The following LGR6 variants were observed in gnomAD, a reference collection of about 807,000 sequenced individuals.
The protein encoded by LGR6 is leucine rich repeat containing G protein-coupled receptor 6.
A neutral mutation model predicts 69.4 loss-of-function variants in LGR6; 45 were observed. That is an observed-to-expected ratio of 0.65 (90% confidence interval 0.51 to 0.83). The LOEUF is 0.83. Ranked by LOEUF, LGR6 falls within the 40% of genes least tolerant of loss-of-function variation. The pLI is 0.00. For missense variants in LGR6, 1,108 were observed against 1,246.7 expected (o/e 0.89, Z 1.68); for synonymous variants, 538 against 555.0 (o/e 0.97, Z 0.43).
At chr1:202,212,544 A>G (rs981046259) in intron 1 of LGR6, among the ~76,000 whole-genome samples, 9 of 152,184 alleles carry the variant, frequency 5.9e-5, no homozygotes, top group African/African-American at 2.2e-4. Context: ...GGGAGAACCC[A>G]CTGCGTGCCT....
Position 202,251,402 on chromosome 1 carries a change from C to T in LGR6, c.428+15409C>T, listed in dbSNP as rs574596612. On this transcript the variant is annotated intron_variant, in intron 4 of 17. Coordinates refer to ENST00000367278, the MANE Select transcript of LGR6 (RefSeq NM_001017403.2). Reference sequence around the variant, plus strand: ...GAGGATGATCTATGTCCCTGCAGCCCCTGAGCCTTCATAGGGAATGGAGAG... The same window carrying T: ...GAGGATGATCTATGTCCCTGCAGCCTCTGAGCCTTCATAGGGAATGGAGAG... 1.6e-4 allele frequency among the ~76,000 whole-genome samples: 24 copies of T among 152,330 alleles called. 1 individual carries two copies. The South Asian group carries it at 4.8e-3, about 30-fold the overall frequency.
intron 2 of LGR6, 122 bp downstream of exon 2, chr1:202,225,616 C>G: frequency 1.3e-6 from 1 of 778,708 alleles, no homozygotes; most frequent in South Asian, 1.7e-5. Context: ...TAAGACAGTT[C>G]TTGACAGCAG....
chr1:202,285,348 G>A (rs1020901671), intron 6 of LGR6, among the ~76,000 whole-genome samples: 10 of 152,302 alleles, frequency 6.6e-5, no homozygotes, highest in Non-Finnish European at 1.3e-4. Context: ...GACTTCCATC[G>A]AGGTCCTCCC....
chr1:202,228,389 G>GTGGCTTTTCTT (rs1288509278), intron 3 of LGR6, among the ~76,000 whole-genome samples: 38 of 152,118 alleles, frequency 2.5e-4, no homozygotes, highest in African/African-American at 8.9e-4. Context: ...GGAAATACAG[G>GTGGCTTTTCTT]TGGCTTTTCT....
Position 202,200,301 on chromosome 1 carries a change from C to A in LGR6, c.212+6100C>A, listed in dbSNP as rs150343761. Among the ~76,000 whole-genome samples the A allele has an allele frequency of 4.5e-4, 68 of 152,338 alleles. No individual in the cohort carries two copies. The East Asian group carries it at 0.013, about 29-fold the overall frequency. On this transcript the variant is annotated intron_variant, in intron 1 of 17. Coordinates refer to ENST00000367278, the MANE Select transcript of LGR6 (RefSeq NM_001017403.2). ...GAGAGTACAGCTTCTCCCCAGAAAT[C>A]AGAGTTCCTTGAAATTAGAGTTTCT...
chr1:202,228,281 C>T (rs1057058691), intron 3 of LGR6, among the ~76,000 whole-genome samples: 2 of 152,208 alleles, frequency 1.3e-5, no homozygotes, highest in African/African-American at 2.4e-5. Context: ...TAATGACCAT[C>T]GACATAGGTC....
intron 1 of LGR6, 140 bp downstream of exon 1, chr1:202,194,341 C>T (rs1439917698): frequency 1.5e-5 from 9 of 598,380 alleles, no homozygotes; most frequent in Admixed American, 1.0e-4. Flanking sequence ...CCAAGTTGAC[C>T]GTTGCGGGAC....
At chr1:202,301,021 A>G in intron 8 of LGR6, 101 bp downstream of exon 8, 1 of 1,305,920 alleles carries the variant, frequency 7.7e-7, no homozygotes. Flanking sequence ...AGCACCAGGG[A>G]GGCAGAAGTA....
intron 1 of LGR6, among the ~76,000 whole-genome samples, chr1:202,216,226 G>A (rs903773765): frequency 2.0e-5 from 3 of 152,240 alleles, no homozygotes; most frequent in African/African-American, 7.2e-5. Context: ...GGTTGAGTTG[G>A]GTGGTGATGC....
intron 1 of LGR6, chr1:202,196,990 A>C (rs745996718): frequency 1.9e-6 from 1 of 528,798 alleles, no homozygotes; most frequent in Non-Finnish European, 3.9e-6. Flanking sequence ...CACAGAGTTA[A>C]AATGAAAAAT....
intron 1 of LGR6, chr1:202,197,327 A>T: frequency 2.0e-6 from 1 of 506,986 alleles, no homozygotes; most frequent in South Asian, 1.5e-5. Context: ...ATGTCCAAAA[A>T]CTATTACCAC....
Position 202,290,601 on chromosome 1 carries a change from G to T in LGR6, c.717-6907G>T, listed in dbSNP as rs78390859. Among the ~76,000 whole-genome samples, 1,162 of 152,342 alleles carry T rather than the reference G, an allele frequency of 7.6e-3. 12 individuals are homozygous for T. Among genetic ancestry groups the T allele is most frequent in the African/African-American group, 0.027 (1,114 of 41,574 alleles). ...AATAAAAAAAAGGGGGGCCAGGCGC[G>T]GTGGCTCACGCCTGTAATCCCAGCA... is the stretch of plus-strand genomic sequence containing the variant. On this transcript the variant is annotated intron_variant, in intron 6 of 17. Coordinates refer to ENST00000367278, the MANE Select transcript of LGR6 (RefSeq NM_001017403.2).
At chr1:202,275,202 C>T (rs1408198571) in intron 4 of LGR6, among the ~76,000 whole-genome samples, 2 of 152,152 alleles carry the variant, frequency 1.3e-5, no homozygotes, top group African/African-American at 2.4e-5. Context: ...GCTTAAATGC[C>T]ATATGGCTAT....
chr1:202,228,282 G>A (rs746321867), intron 3 of LGR6, among the ~76,000 whole-genome samples: 3 of 152,166 alleles, frequency 2.0e-5, no homozygotes, highest in South Asian at 2.1e-4. Flanking sequence ...AATGACCATC[G>A]ACATAGGTCT....
rs61821574 is a variant in LGR6, at chr1:202,209,143, C to T, written c.212+14942C>T. Among the ~76,000 whole-genome samples, 1,164 of 152,240 alleles carry T rather than the reference C, an allele frequency of 7.6e-3. 13 individuals are homozygous for T. The highest frequency in any genetic ancestry group is 0.014 in the Non-Finnish European group (932 of 68,004). ...TTCCTATCATAGTGTCCCCAAGTTT[C>T]CCTCCTATTTTGGCCAGAGGGGAGA... On this transcript the variant is annotated intron_variant, in intron 1 of 17. Coordinates refer to ENST00000367278, the MANE Select transcript of LGR6 (RefSeq NM_001017403.2).
chr1:202,294,093 C>A (rs547251151), intron 6 of LGR6, among the ~76,000 whole-genome samples: 1 of 152,152 alleles, frequency 6.6e-6, no homozygotes, highest in South Asian at 2.1e-4. Context: ...AGGACGTTCC[C>A]CCAAATACTG....
chr1:202,318,460 C>T lies in LGR6; in HGVS notation c.2157C>T (p.Pro719=). 6.2e-7 allele frequency: 1 copy of T among 1,613,292 alleles called. No individual in the cohort carries two copies. Among genetic ancestry groups the T allele is most frequent in the Non-Finnish European group, 8.5e-7 (1 of 1,179,822 alleles). Residue 719 remains proline, a synonymous_variant, in exon 18 of 18, where the codon CCC becomes CCT. Coordinates refer to ENST00000367278, the MANE Select transcript of LGR6 (RefSeq NM_001017403.2). ...ACGGGGCCTCCCCACTCTGCCTGCC[C>T]TACGCGCCACCTGAGGGTCAGCCAG... ...GEYGASPLCL[P]YAPPEGQPAA...
In LGR6 at chr1:202,305,747, A is replaced by T; in HGVS notation, c.1134A>T (p.Glu378Asp). 6.2e-7 allele frequency: 1 copy of T among 1,614,044 alleles called. No homozygotes were observed. The highest frequency in any genetic ancestry group is 1.1e-5 in the South Asian group (1 of 91,076). ...PSLHRCQKLE[E>D]IGLQHNRIWE... ...TGCACAGGTGTCAGAAATTGGAGGA[A>T]ATGTGAGTCTGGGGTAGGGAAGAGG... Residue 378 changes from glutamate to aspartate, a missense_variant and splice_region_variant, in exon 12 of 18, where the codon GAA (glutamate) becomes GAT (aspartate). Coordinates refer to ENST00000367278, the MANE Select transcript of LGR6 (RefSeq NM_001017403.2).
rs146038338 is a variant in LGR6, at chr1:202,307,346, G to A, written c.1225G>A (p.Ala409Thr). The A allele has an allele frequency of 3.1e-6, 5 of 1,613,960 alleles. No individual in the cohort carries two copies. The highest frequency in any genetic ancestry group is 4.2e-6 in the Non-Finnish European group (5 of 1,179,994). ...TGCCTGCAGGGATCTTAGCTGGAAC[G>A]CCATCCGGTCCATCCACCCCGAGGC... ...SLQALDLSWNAIRSIHPEAFS... is the reference protein window; with the variant it reads ...SLQALDLSWNTIRSIHPEAFS... Residue 409 changes from alanine (A) to threonine (T), a missense_variant, in exon 14 of 18, where the codon GCC becomes ACC. Ala to Thr is a moderately conservative substitution (Grantham distance 58). Coordinates refer to ENST00000367278, the MANE Select transcript of LGR6 (RefSeq NM_001017403.2).
Sources: allele counts gnomAD v4.1 joint callset (sites outside exome capture counted in the v4.1 genomes callset), GRCh38; gene constraint gnomAD v4.1.1; transcripts MANE v1.5; gene names NCBI Gene and HGNC (gene_info 2026-07-23, HGNC 2026-07-21).